ERC2: variants seen among roughly 807,000 people sequenced by gnomAD.
The protein encoded by ERC2 is ERC protein 2.
Under a neutral mutation model 114.8 loss-of-function variants are expected in ERC2, and 42 were observed. The ratio of observed to expected loss-of-function variants is 0.37; its 90% CI spans 0.29 to 0.47. ERC2 has a LOEUF of 0.47. ERC2 is among the 20% of genes least tolerant of loss of function. The probability of loss-of-function intolerance (pLI) is 0.99; values close to 1 mark genes in which losing one functional copy is unlikely to be tolerated. For synonymous variants in ERC2, 454 were observed against 425.5 expected, an observed-to-expected ratio of 1.07 and a Z score of -0.82; for missense variants, 939 against 1,150.7, an observed-to-expected ratio of 0.82 and a Z score of 2.66.
intron 2 of ERC2, among the ~76,000 whole-genome samples, chr3:56,397,666 A>G (rs1260441047): frequency 6.6e-6 from 1 of 152,214 alleles, no homozygotes; most frequent in Non-Finnish European, 1.5e-5. Context: ...AAGTTTGTGT[A>G]TTATTTAGGA....
At chr3:56,043,696 TC>T (rs2075316571) in intron 7 of ERC2, among the ~76,000 whole-genome samples, 1 of 152,202 alleles carries the variant, frequency 6.6e-6, no homozygotes, top group African/African-American at 2.4e-5. Flanking sequence ...ACGTTCATTT[TC>T]TACCCTCTAA....
chr3:55,831,693 G>T (rs958331120), intron 14 of ERC2, among the ~76,000 whole-genome samples: 1 of 152,168 alleles, frequency 6.6e-6, no homozygotes, highest in South Asian at 2.1e-4. Context: ...CAGAAGATGG[G>T]TGATTTCTGC....
rs2060889470 is a variant in ERC2 at position 55,836,465 on chromosome 3, AT to A, written c.2564+51923del. On this transcript the variant is annotated intron_variant, in intron 14 of 17. Coordinates refer to ENST00000288221, the MANE Select transcript of ERC2 (RefSeq NM_015576.3). ...AATAATGCCGCTTATCTACAATTATATGATCTTTGACAAACCTGAGAAAAAC... is the reference window on the plus strand; with the variant it reads ...AATAATGCCGCTTATCTACAATTATAGATCTTTGACAAACCTGAGAAAAAC... Among the ~76,000 whole-genome samples, 4 of 152,224 alleles carry A rather than the reference AT, an allele frequency of 2.6e-5. No individual in the cohort carries two copies. In the South Asian group the frequency reaches 8.3e-4, roughly 32 times the overall value.
chr3:55,977,593 A>C (rs549949164), intron 12 of ERC2, among the ~76,000 whole-genome samples: 2 of 152,366 alleles, frequency 1.3e-5, no homozygotes, highest in East Asian at 3.9e-4. Context: ...GCACTGGCAG[A>C]GTTTATGGAA....
chr3:56,057,975 A>C (rs1042173923), intron 7 of ERC2, among the ~76,000 whole-genome samples: 1 of 152,254 alleles, frequency 6.6e-6, no homozygotes, highest in Admixed American at 6.5e-5. Context: ...GTTCCACATT[A>C]AATTCTTCTC....
chr3:55,713,754 G>T (rs1407883472), intron 15 of ERC2, among the ~76,000 whole-genome samples: 3 of 152,146 alleles, frequency 2.0e-5, no homozygotes, highest in Non-Finnish European at 4.4e-5. Context: ...GAGGTGACAG[G>T]ATTCCCTAAT....
intron 13 of ERC2, among the ~76,000 whole-genome samples, chr3:55,912,515 T>C (rs1237615941): frequency 6.6e-6 from 1 of 152,234 alleles, no homozygotes; most frequent in Non-Finnish European, 1.5e-5. Flanking sequence ...TAAGTGTATA[T>C]TTACTTTTAT....
At chr3:56,445,667 C>G (rs1296638290) in intron 1 of ERC2, among the ~76,000 whole-genome samples, 1 of 152,172 alleles carries the variant, frequency 6.6e-6, no homozygotes, top group Non-Finnish European at 1.5e-5. Flanking sequence ...CCAACAGCCC[C>G]CGCCTCCCCT....
Position 55,997,880 on chromosome 3 carries a change from GTT to G in ERC2, c.2062-5632_2062-5631del, listed in dbSNP as rs869077498. Among the ~76,000 whole-genome samples, 208 of 44,758 alleles carry G rather than the reference GTT, an allele frequency of 4.6e-3. 1 individual carries two copies. Among genetic ancestry groups the G allele is most frequent in the South Asian group, 8.0e-3 (9 of 1,120 alleles). 29.4% of individuals were successfully genotyped at this position (44,758 alleles called of 152,430 possible). ...TTGAAATGTTATACATCTTAATTCT[GTT>G]TTTTTTTTTTTTTTTTTTTTTTTTT... On this transcript the variant is annotated intron_variant, in intron 10 of 17. Coordinates refer to ENST00000288221, the MANE Select transcript of ERC2 (RefSeq NM_015576.3).
At chr3:55,916,149 T>C (rs1472383523) in intron 13 of ERC2, among the ~76,000 whole-genome samples, 1 of 152,094 alleles carries the variant, frequency 6.6e-6, no homozygotes, top group African/African-American at 2.4e-5. Flanking sequence ...GGCAACAGCG[T>C]GGTGAGAATA....
intron 6 of ERC2, among the ~76,000 whole-genome samples, chr3:56,088,177 G>A (rs1047404078): frequency 3.9e-5 from 6 of 152,136 alleles, no homozygotes; most frequent in African/African-American, 1.4e-4. Context: ...CAAGATGGCA[G>A]AACCTTCCTA....
chr3:55,663,158 C>G (rs926706703), intron 17 of ERC2, among the ~76,000 whole-genome samples: 1 of 152,196 alleles, frequency 6.6e-6, no homozygotes, highest in African/African-American at 2.4e-5. Flanking sequence ...TTACAGAATA[C>G]AGGCAAGTAA....
chr3:55,518,697 A>G (rs2052697970), intron 17 of ERC2, among the ~76,000 whole-genome samples: 1 of 151,928 alleles, frequency 6.6e-6, no homozygotes, highest in South Asian at 2.1e-4. Context: ...ACTAGAAAAG[A>G]AAAAAAAAGT....
intron 7 of ERC2, among the ~76,000 whole-genome samples, chr3:56,079,479 G>A (rs905307324): frequency 6.6e-6 from 1 of 152,190 alleles, no homozygotes; most frequent in Non-Finnish European, 1.5e-5. Context: ...GACTGATGTA[G>A]TCTGAGCAAA....
intron 17 of ERC2, among the ~76,000 whole-genome samples, chr3:55,625,122 C>A (rs2059460275): frequency 6.6e-6 from 1 of 152,116 alleles, no homozygotes; most frequent in South Asian, 2.1e-4. Flanking sequence ...AATCCCAACA[C>A]TTAGGGAGGC....
intron 14 of ERC2, among the ~76,000 whole-genome samples, chr3:55,824,312 G>A (rs1482218066): frequency 6.6e-6 from 1 of 152,170 alleles, no homozygotes; most frequent in Non-Finnish European, 1.5e-5. Context: ...AGTGGAACTG[G>A]AAGCTGTGAG....
At chr3:55,583,589 C>A (rs1192676090) in intron 17 of ERC2, among the ~76,000 whole-genome samples, 1 of 140,170 alleles carries the variant, frequency 7.1e-6, no homozygotes, top group South Asian at 2.5e-4. Flanking sequence ...TCCTTCCTTC[C>A]TTCCTAGAAA....
chr3:55,845,821 G>A (rs7644025), intron 14 of ERC2, among the ~76,000 whole-genome samples: 27,175 of 152,182 alleles, frequency 0.18, 3,578 homozygotes, highest in African/African-American at 0.37. Flanking sequence ...TTTTCAATAA[G>A]GCAGCCATGT....
intron 2 of ERC2, among the ~76,000 whole-genome samples, chr3:56,422,648 T>G (rs2061429378): frequency 6.6e-6 from 1 of 152,178 alleles, no homozygotes; most frequent in Admixed American, 6.5e-5. Context: ...TCTTAGAGCT[T>G]CCATTTCAGC....
Sources: gnomAD v4.1 joint callset for allele counts (sites outside exome capture counted in the v4.1 genomes callset) on GRCh38, gnomAD v4.1.1 for gene constraint, MANE v1.5 for transcripts, NCBI Gene and HGNC (gene_info 2026-07-23, HGNC 2026-07-21) for gene names.